Variants in TSTD2 observed in about 807,000 individuals in gnomAD.
TSTD2 encodes thiosulfate sulfurtransferase/rhodanese-like domain-containing protein 2.
A neutral mutation model predicts 47.9 loss-of-function variants in TSTD2; 37 were observed. The observed-to-expected ratio is 0.77, with a 90% CI of 0.59 to 1.02. The LOEUF (loss-of-function observed/expected upper bound fraction) is 1.02, where lower values mean the gene tolerates loss of function less well. Among genes scored for constraint, TSTD2 ranks in the 50% least tolerant of loss-of-function variants. TSTD2 has a pLI of 0.00. For missense variants in TSTD2, 586 were observed against 616.0 expected, an observed-to-expected ratio of 0.95 and a Z score of 0.52; for synonymous variants, 201 against 215.9, an observed-to-expected ratio of 0.93 and a Z score of 0.61.
At chr9:97,629,705 A>G (rs1241045851) in intron 1 of TSTD2, among the ~76,000 whole-genome samples, 1 of 152,226 alleles carries the variant, frequency 6.6e-6, no homozygotes, top group Non-Finnish European at 1.5e-5. Context: ...CACTTCCTCC[A>G]TGCTCAAAGC....
chr9:97,610,141 ATAG>A, intron 6 of TSTD2: 1 of 420,740 alleles, frequency 2.4e-6, no homozygotes, highest in African/African-American at 2.1e-5. Context: ...GAGGAATAAG[ATAG>A]GTCACTCGAA....
rs1826740466 is a variant in TSTD2 at position 97,627,420 on chromosome 9, TTC to T, written c.141_142del (p.Lys48IlefsTer25). On this transcript the variant is annotated frameshift_variant, in exon 2 of 10. Coordinates refer to ENST00000341170, the MANE Select transcript of TSTD2 (RefSeq NM_139246.5). LOFTEE classifies it high-confidence loss of function. The stretch of plus-strand genomic sequence containing the variant: ...TACCTTTTTCTTTGCAAACGAGTAT[TTC>T]TTTTTTGTACTGCCATCTAATTCTG... 2.5e-6 allele frequency: 4 copies of T among 1,601,624 alleles called. No individual in the cohort carries two copies. The African/African-American group carries it at 4.0e-5, about 16-fold the overall frequency.
chr9:97,602,707 C>A lies in TSTD2; in HGVS notation c.1313G>T (p.Arg438Leu), dbSNP rs544003683. ...GGCAGGGCAGGTCAAAACGAGCTGG[C>A]GGCACTGGGGAGTAGAGCAGAGTTT... The part of the protein sequence containing the change: ...QYKLCSTPQC[R>L]QLVLTCPACQ... Residue 438 changes from arginine to leucine, a missense_variant, in exon 10 of 10, where the codon CGC (arginine) becomes CTC (leucine). Arg to Leu is a moderately radical substitution (Grantham distance 102). Coordinates refer to ENST00000341170, the MANE Select transcript of TSTD2 (RefSeq NM_139246.5). 6.2e-7 allele frequency: 1 copy of A among 1,614,116 alleles called. No homozygotes were observed. The highest frequency in any genetic ancestry group is 1.7e-5 in the Admixed American group (1 of 60,016).
chr9:97,600,150 A>C lies in TSTD2; in HGVS notation c.*2319T>G. On this transcript the variant is annotated 3_prime_UTR_variant, in exon 10 of 10. Transcript: ENST00000341170. ...CTATTAGCAAATAAAACTGATTATC[A>C]TTCTTTATTAACCCTCCTTGGAATT... 1.0e-6 allele frequency: 1 copy of C among 1,001,550 alleles called. No homozygotes were observed. The highest frequency in any genetic ancestry group is 1.2e-6 in the Non-Finnish European group (1 of 837,916). 62.0% of individuals were successfully genotyped at this position (1,001,550 alleles called of 1,614,324 possible).
rs1442561579 is a variant in TSTD2 at position 97,600,707 on chromosome 9, C to A, written c.*1762G>T. Reference sequence around the variant, plus strand: ...TGTATATTAAGCCTCCGCAGGATGCCGGACAATGGTGAAGAAACTCCAGAT... The same window carrying A: ...TGTATATTAAGCCTCCGCAGGATGCAGGACAATGGTGAAGAAACTCCAGAT... On this transcript the variant is annotated 3_prime_UTR_variant, in exon 10 of 10. Coordinates refer to ENST00000341170, the MANE Select transcript of TSTD2 (RefSeq NM_139246.5). 1.0e-6 allele frequency: 1 copy of A among 1,003,920 alleles called. No individual in the cohort carries two copies. The highest frequency in any genetic ancestry group is 1.2e-6 in the Non-Finnish European group (1 of 841,264). The allele number at this position is 1,003,920 out of a possible 1,614,324, so 62.2% of individuals were successfully genotyped here.
intron 3 of TSTD2, among the ~76,000 whole-genome samples, chr9:97,621,313 C>T (rs974373590): frequency 3.3e-5 from 5 of 152,116 alleles, no homozygotes; most frequent in Admixed American, 6.5e-5. Flanking sequence ...ATGTATGTCG[C>T]CTCAAGACCC....
At chr9:97,619,101 T>C (rs925451481) in intron 3 of TSTD2, among the ~76,000 whole-genome samples, 1 of 152,360 alleles carries the variant, frequency 6.6e-6, no homozygotes, top group South Asian at 2.1e-4. Context: ...ATCACCGTCC[T>C]ATATAACTCA....
Position 97,610,220 on chromosome 9 carries a change from T to C in TSTD2, c.835+126A>G, listed in dbSNP as rs532696325. ...ATAAGCACTGGATGCAGCCAAGTGT[T>C]AGCCACCCCACAGCTGCTTTAGAGA... On this transcript the variant is annotated intron_variant, in intron 6 of 9. Transcript: ENST00000341170. The C allele has an allele frequency of 2.2e-3, 1,591 of 725,342 alleles. 5 individuals are homozygous for C. Among genetic ancestry groups the C allele is most frequent in the Non-Finnish European group, 3.2e-3 (1,420 of 448,940 alleles). The allele number at this position is 725,342 out of a possible 1,614,324, so 44.9% of individuals were successfully genotyped here.
chr9:97,603,860 T>TA, intron 9 of TSTD2, among the ~76,000 whole-genome samples: 1 of 152,264 alleles, frequency 6.6e-6, no homozygotes, highest in Non-Finnish European at 1.5e-5. Context: ...TCAGCTAATT[T>TA]AAAAAAGTTT....
Position 97,626,248 on chromosome 9 carries a change from G to A in TSTD2, c.166-251C>T, listed in dbSNP as rs75928708. 2.8e-4 allele frequency among the ~76,000 whole-genome samples: 43 copies of A among 152,172 alleles called. 1 individual carries two copies. The East Asian group carries it at 8.1e-3, about 29-fold the overall frequency. On this transcript the variant is annotated intron_variant, in intron 2 of 9. Transcript: ENST00000341170. ...CTCAGCATCATAATTTTATTCTCAG[G>A]ATATAAGACTAAGTCACACTGGAAA...
chr9:97,607,839 G>C (rs189510795), intron 6 of TSTD2, among the ~76,000 whole-genome samples: 54 of 152,330 alleles, frequency 3.5e-4, no homozygotes, highest in Non-Finnish European at 7.5e-4. Context: ...GGGAGGCAGA[G>C]GTTGTAGTGA....
chr9:97,631,725 T>C (rs1587986804), intron 1 of TSTD2, among the ~76,000 whole-genome samples: 1 of 152,152 alleles, frequency 6.6e-6, no homozygotes, highest in East Asian at 1.9e-4. Context: ...ATGTCTGTAA[T>C]TGCCGCTACT....
intron 2 of TSTD2, among the ~76,000 whole-genome samples, chr9:97,626,319 G>T (rs1387576785): frequency 6.6e-6 from 1 of 152,046 alleles, no homozygotes; most frequent in Non-Finnish European, 1.5e-5. Context: ...AACACTATTA[G>T]TTATTTTCGA....
chr9:97,622,801 T>C (rs1462794320), intron 3 of TSTD2, among the ~76,000 whole-genome samples: 2 of 152,276 alleles, frequency 1.3e-5, no homozygotes, highest in African/African-American at 2.4e-5. Flanking sequence ...GCATGGGGCC[T>C]GTGGCCCCTT....
At chr9:97,608,247 A>G (rs1448696412) in intron 6 of TSTD2, among the ~76,000 whole-genome samples, 1 of 152,164 alleles carries the variant, frequency 6.6e-6, no homozygotes, top group Non-Finnish European at 1.5e-5. Context: ...AGGAAGCCAC[A>G]GGAAACCAAA....
chr9:97,613,536 T>C (rs1458636389), intron 4 of TSTD2, among the ~76,000 whole-genome samples: 1 of 152,108 alleles, frequency 6.6e-6, no homozygotes, highest in Non-Finnish European at 1.5e-5. Context: ...GGCAGTGTTC[T>C]GGGGGCCCTG....
In TSTD2 at chr9:97,633,288, T is replaced by G; in HGVS notation, c.-96A>C. The G allele has an allele frequency of 3.8e-6, 1 of 265,412 alleles. No individual in the cohort carries two copies. The highest frequency in any genetic ancestry group is 7.1e-6 in the Non-Finnish European group (1 of 141,764). 16.4% of individuals were successfully genotyped at this position (265,412 alleles called of 1,614,324 possible). ...TAAGGTCTCTCTTCCCTGCACTGTC[T>G]CCGCCTAGCAATTGTCACTGCTCAC... On this transcript the variant is annotated 5_prime_UTR_variant, in exon 1 of 10. Coordinates refer to ENST00000341170, the MANE Select transcript of TSTD2 (RefSeq NM_139246.5).
At chr9:97,629,082 T>A (rs117728330) in intron 1 of TSTD2, among the ~76,000 whole-genome samples, 2 of 152,322 alleles carry the variant, frequency 1.3e-5, no homozygotes, top group Non-Finnish European at 2.9e-5. Context: ...AGGTGGACAC[T>A]GAAGGTTCTG....
At chr9:97,621,098 CAGA>C (rs1187037852) in intron 3 of TSTD2, among the ~76,000 whole-genome samples, 2 of 152,134 alleles carry the variant, frequency 1.3e-5, no homozygotes, top group Non-Finnish European at 2.9e-5. Flanking sequence ...GAAGCTGTGG[CAGA>C]AGAACATAAG....
Sources: allele counts gnomAD v4.1 joint callset (sites outside exome capture counted in the v4.1 genomes callset), GRCh38; gene constraint gnomAD v4.1.1; transcripts MANE v1.5; gene names NCBI Gene and HGNC (gene_info 2026-07-23, HGNC 2026-07-21).